The following OR51B5 variants were observed in gnomAD, a reference collection of about 807,000 sequenced individuals.
OR51B5 encodes the protein olfactory receptor family 51 subfamily B member 5.
For missense variants in OR51B5, 456 were observed against 374.6 expected (o/e 1.22, Z -1.79); for synonymous variants, 186 against 144.8 (o/e 1.28, Z -2.04).
chr11:5,473,476 A>G (rs1416016511), intron 1 of OR51B5, among the ~76,000 whole-genome samples: 1 of 152,232 alleles, frequency 6.6e-6, no homozygotes, highest in Non-Finnish European at 1.5e-5. Context: ...TTAGATAATT[A>G]TAATTATCCT....
chr11:5,401,880 T>TTC lies in OR51B5; in HGVS notation n.85-54972_85-54971dup, dbSNP rs148071208. Among the ~76,000 whole-genome samples, 333 of 146,470 alleles carry TTC rather than the reference T, an allele frequency of 2.3e-3. 9 individuals are homozygous for TTC. The highest frequency in any genetic ancestry group is 6.8e-3 in the African/African-American group (268 of 39,348). On this transcript the variant is annotated intron_variant and non_coding_transcript_variant, in intron 1 of 4. Coordinates refer to the OR51B5 transcript ENST00000415970. ...GCTTTTTCTTTTTCCTTCCTTCCTTTTCTCTCTCTTCCTTCCTTCCTTTTC... is the reference window on the plus strand; with the variant it reads ...GCTTTTTCTTTTTCCTTCCTTCCTTTTCTCTCTCTCTTCCTTCCTTCCTTTTC...
intron 1 of OR51B5, among the ~76,000 whole-genome samples, chr11:5,472,871 G>C (rs536708291): frequency 3.5e-4 from 53 of 152,302 alleles, no homozygotes; most frequent in African/African-American, 1.1e-3. Flanking sequence ...GGGCACAACG[G>C]AGAGGAGCCT....
At chr11:5,368,998 T>C (rs1282801602) in intron 1 of OR51B5, among the ~76,000 whole-genome samples, 3 of 152,030 alleles carry the variant, frequency 2.0e-5, no homozygotes, top group East Asian at 3.9e-4. Flanking sequence ...CAACTAGATG[T>C]GGACAAGATA....
At chr11:5,462,306 A>G (rs907093078) in intron 1 of OR51B5, among the ~76,000 whole-genome samples, 2 of 152,218 alleles carry the variant, frequency 1.3e-5, no homozygotes, top group African/African-American at 4.8e-5. Flanking sequence ...CTAATGCAGA[A>G]TGAAAAAAAT....
intron 1 of OR51B5, among the ~76,000 whole-genome samples, chr11:5,435,310 A>G (rs1850577896): frequency 1.3e-5 from 2 of 152,224 alleles, no homozygotes; most frequent in Admixed American, 1.3e-4. Context: ...TCTCTACATT[A>G]TAGATAATGT....
At chr11:5,420,965 T>G (rs1182891372) in intron 1 of OR51B5, among the ~76,000 whole-genome samples, 1 of 152,222 alleles carries the variant, frequency 6.6e-6, no homozygotes, top group African/African-American at 2.4e-5. Context: ...CTCTTGCCCC[T>G]GTAAACTCTA....
At chr11:5,423,116 T>C in intron 1 of OR51B5, 1 of 1,605,012 alleles carries the variant, frequency 6.2e-7, no homozygotes, top group East Asian at 2.2e-5. Flanking sequence ...ATGGGGAATG[T>C]TAAATTTCCT....
chr11:5,369,157 AAAAT>A (rs774188699), intron 1 of OR51B5, among the ~76,000 whole-genome samples: 8,348 of 152,216 alleles, frequency 0.055, 2 homozygotes, highest in South Asian at 0.09. Context: ...GAAGTCTTTA[AAAAT>A]AGGCATTCAT....
intron 1 of OR51B5, among the ~76,000 whole-genome samples, chr11:5,494,336 C>G (rs1851619334): frequency 6.6e-6 from 1 of 152,136 alleles, no homozygotes; most frequent in South Asian, 2.1e-4. Context: ...CCTCTGTGGA[C>G]TTTATTGTCA....
chr11:5,498,518 T>TA lies in OR51B5; in HGVS notation n.84+7050dup, dbSNP rs113573675. On this transcript the variant is annotated intron_variant and non_coding_transcript_variant, in intron 1 of 4. Coordinates refer to the OR51B5 transcript ENST00000415970. ...TACCTACAAATTGTCTTCTTCAAGG[T>TA]AAAAAAAAATCAACATATTAGAATC... Among the ~76,000 whole-genome samples, 498 of 151,500 alleles carry TA rather than the reference T, an allele frequency of 3.3e-3. 4 individuals carry two copies. The highest frequency in any genetic ancestry group is 4.6e-3 in the Non-Finnish European group (310 of 67,782).
upstream of OR51B5, among the ~76,000 whole-genome samples, chr11:5,344,417 TATATTTAAA>T (rs1351296840): frequency 7.2e-6 from 1 of 138,396 alleles, no homozygotes; most frequent in Non-Finnish European, 1.6e-5. Flanking sequence ...GTTCTCCATT[TATATTTAAA>T]CATCCATCTT....
chr11:5,473,243 C>T (rs982664330), intron 1 of OR51B5, among the ~76,000 whole-genome samples: 12 of 152,132 alleles, frequency 7.9e-5, no homozygotes, highest in Non-Finnish European at 1.3e-4. Flanking sequence ...ATAAGGGGTG[C>T]AAATGCCTGT....
intron 1 of OR51B5, among the ~76,000 whole-genome samples, chr11:5,349,980 C>G (rs1223466841): frequency 6.6e-6 from 1 of 152,014 alleles, no homozygotes; most frequent in Non-Finnish European, 1.5e-5. Context: ...TCCTAAAAAC[C>G]CCATCATCAT....
chr11:5,384,797 T>G (rs1490758576), intron 1 of OR51B5, among the ~76,000 whole-genome samples: 1 of 152,192 alleles, frequency 6.6e-6, no homozygotes, highest in Non-Finnish European at 1.5e-5. Flanking sequence ...CCTTGTAACT[T>G]CCCCAGTATC....
Position 5,422,764 on chromosome 11 carries a change from C to T in OR51B5, n.85-75854G>A, listed in dbSNP as rs752426017. On this transcript the variant is annotated intron_variant and non_coding_transcript_variant, in intron 1 of 4. Coordinates refer to the OR51B5 transcript ENST00000415970. ...ATTGCCTCCACCAGGATATGATCCG[C>T]CTGGTCTGTGCTGACATCAGGCTCA... 3.5e-5 allele frequency: 57 copies of T among 1,614,056 alleles called. 1 individual carries two copies. The highest frequency in any genetic ancestry group is 4.5e-5 in the Non-Finnish European group (53 of 1,180,026).
chr11:5,400,700 G>A (rs2647590), intron 1 of OR51B5, among the ~76,000 whole-genome samples: 24,731 of 152,164 alleles, frequency 0.16, 2,511 homozygotes, highest in African/African-American at 0.29. Context: ...ATCTGTGGAA[G>A]AAGATTTGTT....
At position 5,458,045 on chromosome 11, in the gene OR51B5, T is replaced by C. The variant is rs573565181; in HGVS notation, n.84+47524A>G. On this transcript the variant is annotated intron_variant and non_coding_transcript_variant, in intron 1 of 4. Coordinates refer to the OR51B5 transcript ENST00000415970. ...ATCATGAAATATTTCCCAAGGCCTTTGTCCAGAATGGTATTTCCTAGGTTT... is the reference window on the plus strand; with the variant it reads ...ATCATGAAATATTTCCCAAGGCCTTCGTCCAGAATGGTATTTCCTAGGTTT... Among the ~76,000 whole-genome samples, 5 of 152,348 alleles carry C rather than the reference T, an allele frequency of 3.3e-5. No homozygotes were observed. In the South Asian group the frequency reaches 8.3e-4, roughly 25 times the overall value.
At chr11:5,419,205 C>G (rs115857283) in intron 1 of OR51B5, among the ~76,000 whole-genome samples, 50 of 152,314 alleles carry the variant, frequency 3.3e-4, no homozygotes, top group African/African-American at 1.2e-3. Context: ...ATCCCAAAAT[C>G]ATGATGACAA....
At chr11:5,393,999 A>G (rs1028108544) in intron 1 of OR51B5, among the ~76,000 whole-genome samples, 2 of 152,170 alleles carry the variant, frequency 1.3e-5, no homozygotes, top group African/African-American at 4.8e-5. Flanking sequence ...AGAATATGTT[A>G]TCTATTTTTC....
Sources: allele counts gnomAD v4.1 joint callset (sites outside exome capture counted in the v4.1 genomes callset), GRCh38; gene constraint gnomAD v4.1.1; transcripts MANE v1.5; gene names NCBI Gene and HGNC (gene_info 2026-07-23, HGNC 2026-07-21).